The following PTPRC variants were observed in gnomAD, a reference collection of about 807,000 sequenced individuals.
The protein encoded by PTPRC is receptor-type tyrosine-protein phosphatase C.
In PTPRC, 44 loss-of-function variants were observed where a neutral mutation model predicts 155.9. The ratio of observed to expected loss-of-function variants is 0.28; its 90% confidence interval spans 0.22 to 0.36. The LOEUF (loss-of-function observed/expected upper bound fraction) is 0.36. Ranked by LOEUF, PTPRC falls within the 10% of genes least tolerant of loss-of-function variation. PTPRC has a pLI of 1.00. For synonymous variants in PTPRC, 525 were observed against 533.1 expected (o/e 0.98, Z 0.21); for missense variants, 1,401 against 1,564.6 (o/e 0.90, Z 1.76).
At chr1:198,743,915 AT>A (rs1655024481) in intron 25 of PTPRC, 138 bp from the exon 26 acceptor site, 2 of 797,794 alleles carry the variant, frequency 2.5e-6, no homozygotes, top group Non-Finnish European at 4.1e-6. Flanking sequence ...GAATATTTAA[AT>A]ATTATAGATA....
At chr1:198,697,060 T>G in intron 4 of PTPRC, 151 bp downstream of exon 4, 1 of 785,512 alleles carries the variant, frequency 1.3e-6, no homozygotes, top group African/African-American at 1.7e-5. Context: ...TTAGTATCTG[T>G]GAAATATAGA....
At chr1:198,752,794 G>A (rs765027666) in intron 31 of PTPRC, 22 bp downstream of exon 31, 1 of 1,607,656 alleles carries the variant, frequency 6.2e-7, no homozygotes, top group East Asian at 2.2e-5. Context: ...TTGGTAGAAT[G>A]TGCTCTCAAA....
At chr1:198,709,881 A>G (rs1267101684) in intron 11 of PTPRC, 57 bp downstream of exon 11, 1 of 1,581,310 alleles carries the variant, frequency 6.3e-7, no homozygotes, top group African/African-American at 1.4e-5. Flanking sequence ...TGTTCTTATA[A>G]TTATTTGAGA....
intron 12 of PTPRC, among the ~76,000 whole-genome samples, chr1:198,714,448 C>T (rs1210273466): frequency 1.3e-5 from 2 of 152,096 alleles, no homozygotes; most frequent in Admixed American, 1.3e-4. Context: ...TATTGGGCAA[C>T]TAAATAGTGT....
At chr1:198,728,027 G>A (rs1654220354) in intron 15 of PTPRC, among the ~76,000 whole-genome samples, 2 of 152,040 alleles carry the variant, frequency 1.3e-5, no homozygotes, top group South Asian at 2.1e-4. Flanking sequence ...TCAAAATGAA[G>A]TGTCTGATAA....
At chr1:198,742,155 T>G (rs1485081680) in intron 24 of PTPRC, 77 bp from the exon 25 acceptor site, 3 of 1,605,736 alleles carry the variant, frequency 1.9e-6, no homozygotes, top group African/African-American at 2.7e-5. Context: ...TGGGAGAAGC[T>G]TAGATTCTTA....
At chr1:198,748,294 A>C (rs1655233003) in intron 27 of PTPRC, 95 bp downstream of exon 27, 3 of 1,468,244 alleles carry the variant, frequency 2.0e-6, no homozygotes, top group Non-Finnish European at 2.7e-6. Context: ...AATTATCTTG[A>C]AGCAAGTTTT....
chr1:198,660,203 T>G (rs4298768), intron 2 of PTPRC, among the ~76,000 whole-genome samples: 5 of 151,656 alleles, frequency 3.3e-5, no homozygotes, highest in African/African-American at 7.3e-5. Context: ...TAACATTGTA[T>G]GAGTTTCCTT....
chr1:198,752,677 C>T lies in PTPRC; in HGVS notation c.3414C>T (p.Ile1138=). The change falls in exon 31 of 33, where the codon ATC becomes ATT. Residue 1138 remains isoleucine (I), a synonymous_variant. Coordinates refer to ENST00000442510, the MANE Select transcript of PTPRC (RefSeq NM_002838.5). ...TTCCTGCAGAACCCAAGGAATTAAT[C>T]TCTATGATTCAGGTCGTCAAACAAA... ...EQLPAEPKEL[I]SMIQVVKQKL... is the part of the protein sequence containing the mutation. The T allele has an allele frequency of 1.2e-6, 2 of 1,612,810 alleles. No individual in the cohort carries two copies. The highest frequency in any genetic ancestry group is 1.1e-5 in the South Asian group (1 of 91,070).
At position 198,715,271 on chromosome 1, in the gene PTPRC, C is replaced by T. The variant is rs185930382; in HGVS notation, c.1292-1411C>T. Reference sequence around the variant, plus strand: ...CCTAGTAGCTGGGACTACAGGCGCCCGCCACCACGCCCGGCTAATTTTTTT... The same window carrying T: ...CCTAGTAGCTGGGACTACAGGCGCCTGCCACCACGCCCGGCTAATTTTTTT... On this transcript the variant is annotated intron_variant, in intron 12 of 32. Coordinates refer to ENST00000442510, the MANE Select transcript of PTPRC (RefSeq NM_002838.5). Among the ~76,000 whole-genome samples, 411 of 152,064 alleles carry T rather than the reference C, an allele frequency of 2.7e-3. 1 individual carries two copies. Among genetic ancestry groups the T allele is most frequent in the African/African-American group, 8.6e-3 (358 of 41,480 alleles).
chr1:198,682,728 C>G (rs956642777), intron 2 of PTPRC, among the ~76,000 whole-genome samples: 10 of 152,008 alleles, frequency 6.6e-5, no homozygotes, highest in Non-Finnish European at 1.2e-4. Flanking sequence ...ACTATTTTTC[C>G]TTCCTTAAAG....
At chr1:198,739,803 T>C (rs79589406) in intron 23 of PTPRC, among the ~76,000 whole-genome samples, 28,093 of 151,710 alleles carry the variant, frequency 0.19, 3,148 homozygotes, top group African/African-American at 0.29. Flanking sequence ...CCATGGATCA[T>C]TCTCAGGGAC....
chr1:198,753,136 T>A (rs1047140566), intron 31 of PTPRC, among the ~76,000 whole-genome samples: 9 of 152,034 alleles, frequency 5.9e-5, no homozygotes, highest in Admixed American at 5.9e-4. Context: ...CCATATACAT[T>A]GATCTACTCT....
chr1:198,679,945 G>A (rs1665208797), intron 2 of PTPRC: 5 of 623,504 alleles, frequency 8.0e-6, no homozygotes, highest in Admixed American at 2.5e-5. Context: ...CTCGTCCACC[G>A]TCGCCCTGGC....
intron 24 of PTPRC, 63 bp from the exon 25 acceptor site, chr1:198,742,169 T>C: frequency 6.2e-7 from 1 of 1,609,300 alleles, no homozygotes. Context: ...ATTCTTATAT[T>C]GGCTTCACAC....
chr1:198,749,397 AC>A lies in PTPRC; in HGVS notation c.2939-18del. 2 of 1,602,824 alleles carry A rather than the reference AC, an allele frequency of 1.2e-6. No homozygotes were observed. Among genetic ancestry groups the A allele is most frequent in the Non-Finnish European group, 1.7e-6 (2 of 1,171,102 alleles). On this transcript the variant is annotated intron_variant, in intron 27 of 32. Coordinates refer to ENST00000442510, the MANE Select transcript of PTPRC (RefSeq NM_002838.5). ...TTAATTTTTTCAAGGAAGACTTACT[AC>A]TGATTTATTTCACATAGATGACTAT...
chr1:198,685,737 A>G (rs1022556023), intron 2 of PTPRC, among the ~76,000 whole-genome samples: 1 of 151,756 alleles, frequency 6.6e-6, no homozygotes, highest in African/African-American at 2.4e-5. Context: ...TTTTGTCTTG[A>G]TTTGCTTTTT....
At position 198,704,472 on chromosome 1, in the gene PTPRC, C is replaced by G. The variant is rs1403116788; in HGVS notation, c.659C>G (p.Ala220Gly). 1.2e-6 allele frequency: 2 copies of G among 1,613,978 alleles called. No homozygotes were observed. Among genetic ancestry groups the G allele is most frequent in the South Asian group, 2.2e-5 (2 of 91,074 alleles). ...TTTACATTTTTTTTCTCCATTACAGCTACTACTCCATCTAAGCCAACATGT... is the reference window on the plus strand; with the variant it reads ...TTTACATTTTTTTTCTCCATTACAGGTACTACTCCATCTAAGCCAACATGT... ...GSAVISTTTI[A>G]TTPSKPTCDE... Residue 220 changes from alanine (A) to glycine (G), a missense_variant and splice_region_variant, in exon 8 of 33, where the codon GCT (alanine) becomes GGT (glycine). By Grantham distance (60) the Ala-to-Gly change is moderately conservative (BLOSUM62 0). Transcript: ENST00000442510.
In PTPRC at chr1:198,752,586, G is replaced by T; in HGVS notation, c.3331-8G>T. On this transcript the variant is annotated splice_polypyrimidine_tract_variant and splice_region_variant and intron_variant, in intron 30 of 32. Transcript: ENST00000442510. ...TCCAGTTAATGCTCTCTTCAATTCT[G>T]ATTTTAGAGGAAAGACTCTCGAACT... 1 of 1,610,866 alleles carries T rather than the reference G, an allele frequency of 6.2e-7. No homozygotes were observed. The highest frequency in any genetic ancestry group is 1.1e-5 in the South Asian group (1 of 90,968).
Sources: allele counts gnomAD v4.1 joint callset (sites outside exome capture counted in the v4.1 genomes callset), GRCh38; gene constraint gnomAD v4.1.1; transcripts MANE v1.5; gene names NCBI Gene and HGNC (gene_info 2026-07-23, HGNC 2026-07-21).